ARHGAP20: variants seen among roughly 807,000 people sequenced by gnomAD.
ARHGAP20 encodes rho GTPase-activating protein 20.
ARHGAP20 carries 34 observed loss-of-function variants against 73.7 expected under a neutral mutation model. The ratio of observed to expected loss-of-function variants is 0.46; its 90% CI spans 0.35 to 0.61. The LOEUF is 0.61. Ranked by LOEUF, ARHGAP20 falls within the 20% of genes least tolerant of loss-of-function variation. The pLI is 0.00. For missense variants in ARHGAP20, 1,314 were observed against 1,420.9 expected, an observed-to-expected ratio of 0.92 and a Z score of 1.21; for synonymous variants, 523 against 518.2, an observed-to-expected ratio of 1.01 and a Z score of -0.13.
At chr11:110,676,821 T>C (rs1032108638) in intron 2 of ARHGAP20, among the ~76,000 whole-genome samples, 3 of 152,054 alleles carry the variant, frequency 2.0e-5, no homozygotes, top group South Asian at 2.1e-4. Flanking sequence ...AAATAAGTTT[T>C]TTTTTTAAAA....
intron 1 of ARHGAP20, among the ~76,000 whole-genome samples, chr11:110,701,631 G>T (rs1950455162): frequency 2.6e-5 from 4 of 151,992 alleles, no homozygotes; most frequent in Admixed American, 2.0e-4. Flanking sequence ...CATTGCTTTT[G>T]GTGTTTTAGA....
At chr11:110,664,349 CAT>C (rs113832520) in intron 2 of ARHGAP20, among the ~76,000 whole-genome samples, 1 of 151,498 alleles carries the variant, frequency 6.6e-6, no homozygotes, top group African/African-American at 2.4e-5. Flanking sequence ...GGATATAAGA[CAT>C]ATATATATAT....
At chr11:110,617,648 T>C (rs915037607) in intron 4 of ARHGAP20, among the ~76,000 whole-genome samples, 3 of 152,184 alleles carry the variant, frequency 2.0e-5, no homozygotes, top group African/African-American at 7.2e-5. Context: ...GTCAGGTTAA[T>C]GTATGGAGAT....
At chr11:110,684,599 T>C (rs1950096402) in intron 2 of ARHGAP20, among the ~76,000 whole-genome samples, 1 of 152,090 alleles carries the variant, frequency 6.6e-6, no homozygotes, top group East Asian at 1.9e-4. Flanking sequence ...ACTAGTTTTA[T>C]CAAAAAGACT....
chr11:110,593,454 C>T (rs1046624663), intron 9 of ARHGAP20, among the ~76,000 whole-genome samples: 1 of 152,160 alleles, frequency 6.6e-6, no homozygotes, highest in African/African-American at 2.4e-5. Context: ...CCAAAATAAA[C>T]CTAGCTGAAG....
At chr11:110,661,980 C>T (rs1031907869) in intron 2 of ARHGAP20, among the ~76,000 whole-genome samples, 1 of 151,706 alleles carries the variant, frequency 6.6e-6, no homozygotes, top group Non-Finnish European at 1.5e-5. Context: ...AGGAACTGGC[C>T]GAATAAACCA....
rs559160343 is a variant in ARHGAP20, at chr11:110,684,495, T to C, written c.188+6052A>G. Among the ~76,000 whole-genome samples the C allele has an allele frequency of 2.0e-5, 3 of 152,238 alleles. No homozygotes were observed. The South Asian group carries it at 6.2e-4, about 32-fold the overall frequency. ...AAAATGTAAATTTGTTCAACTCCTA[T>C]GAAAAATAGTATGGCAAATTTTCAA... On this transcript the variant is annotated intron_variant, in intron 2 of 14. Transcript: ENST00000683387.
chr11:110,637,193 C>A (rs570899808), intron 2 of ARHGAP20, among the ~76,000 whole-genome samples: 4 of 152,008 alleles, frequency 2.6e-5, no homozygotes, highest in African/African-American at 9.7e-5. Context: ...CTTTCAGGTA[C>A]AGTTTTAGAG....
chr11:110,669,681 G>C (rs191943748), intron 2 of ARHGAP20, among the ~76,000 whole-genome samples: 6 of 152,176 alleles, frequency 3.9e-5, no homozygotes, highest in South Asian at 2.1e-4. Context: ...ACGAAGATGT[G>C]GAGCAACTGT....
intron 9 of ARHGAP20, among the ~76,000 whole-genome samples, chr11:110,599,221 C>G (rs1948049894): frequency 6.6e-6 from 1 of 152,224 alleles, no homozygotes; most frequent in Non-Finnish European, 1.5e-5. Flanking sequence ...TAAGGCCACC[C>G]CTGCCCTCAC....
Position 110,624,633 on chromosome 11 carries a change from T to C in ARHGAP20, c.354-322A>G, listed in dbSNP as rs145676058. 9.3e-3 allele frequency among the ~76,000 whole-genome samples: 1,417 copies of C among 152,036 alleles called. 17 individuals carry two copies. The highest frequency in any genetic ancestry group is 0.031 in the South Asian group (147 of 4,814). The stretch of plus-strand genomic sequence containing the variant: ...ATTCTGCACATGTATCCTGTTTTTT[T>C]TTTTAGAAGAAAAATAATTTATGGG... On this transcript the variant is annotated intron_variant, in intron 3 of 14. Transcript: ENST00000683387.
chr11:110,636,782 C>G (rs1948977790), intron 2 of ARHGAP20, among the ~76,000 whole-genome samples: 1 of 151,828 alleles, frequency 6.6e-6, no homozygotes, highest in Admixed American at 6.6e-5. Context: ...ATTAAAGTCT[C>G]CCATTTAAAA....
chr11:110,656,068 T>A lies in ARHGAP20; in HGVS notation c.189-25276A>T, dbSNP rs1949460106. On this transcript the variant is annotated intron_variant, in intron 2 of 14. Coordinates refer to ENST00000683387, the MANE Select transcript of ARHGAP20 (RefSeq NM_001384657.1). ...CTATAAAAGCAGGGGCCTTAGTGTGTTGTCTGGGATGCTAGAGAGTTTTTC... is the reference window on the plus strand; with the variant it reads ...CTATAAAAGCAGGGGCCTTAGTGTGATGTCTGGGATGCTAGAGAGTTTTTC... Among the ~76,000 whole-genome samples the A allele has an allele frequency of 3.3e-5, 5 of 152,190 alleles. No individual in the cohort carries two copies. In the South Asian group the frequency reaches 1.0e-3, roughly 32 times the overall value.
chr11:110,671,478 T>C (rs1949826592), intron 2 of ARHGAP20, among the ~76,000 whole-genome samples: 1 of 151,994 alleles, frequency 6.6e-6, no homozygotes, highest in Non-Finnish European at 1.5e-5. Context: ...CTTTCGACAA[T>C]ACAGTAGAAG....
intron 7 of ARHGAP20, among the ~76,000 whole-genome samples, chr11:110,610,766 T>C (rs1415611780): frequency 2.0e-5 from 3 of 152,158 alleles, no homozygotes; most frequent in Admixed American, 6.5e-5. Flanking sequence ...AAATCCATGA[T>C]CTAATTCAAA....
intron 1 of ARHGAP20, 139 bp from the exon 2 acceptor site, chr11:110,690,768 TA>T (rs1194472798): frequency 1.1e-6 from 1 of 897,610 alleles, no homozygotes; most frequent in African/African-American, 1.7e-5. Context: ...ATTATGGAGA[TA>T]AAACTGTAAC....
chr11:110,601,121 T>G (rs1156787485), intron 9 of ARHGAP20, among the ~76,000 whole-genome samples: 2 of 152,184 alleles, frequency 1.3e-5, no homozygotes, highest in African/African-American at 4.8e-5. Flanking sequence ...AAACAAGACA[T>G]GATTTTCCAC....
At chr11:110,641,533 A>C (rs1949078099) in intron 2 of ARHGAP20, among the ~76,000 whole-genome samples, 1 of 152,080 alleles carries the variant, frequency 6.6e-6, no homozygotes, top group Admixed American at 6.6e-5. Context: ...CTAATCAGGA[A>C]AAATGAGAGT....
At position 110,668,191 on chromosome 11, in the gene ARHGAP20, G is replaced by A. The variant is rs910853196; in HGVS notation, c.188+22356C>T. 2.0e-5 allele frequency among the ~76,000 whole-genome samples: 3 copies of A among 152,128 alleles called. No homozygotes were observed. The East Asian group carries it at 5.8e-4, about 29-fold the overall frequency. ...AAATTTCATTGTTGTCTTATTTCAAGAAATTGCCACAGCCAACCAACCTTC... is the reference window on the plus strand; with the variant it reads ...AAATTTCATTGTTGTCTTATTTCAAAAAATTGCCACAGCCAACCAACCTTC... On this transcript the variant is annotated intron_variant, in intron 2 of 14. Transcript: ENST00000683387.
Sources: gnomAD v4.1 joint callset for allele counts (sites outside exome capture counted in the v4.1 genomes callset) on GRCh38, gnomAD v4.1.1 for gene constraint, MANE v1.5 for transcripts, NCBI Gene and HGNC (gene_info 2026-07-23, HGNC 2026-07-21) for gene names.